Variants in CREBBP observed in about 807,000 individuals in gnomAD.
CREBBP encodes CREB-binding protein.
Under a neutral mutation model 265.0 loss-of-function variants are expected in CREBBP, and 19 were observed. The ratio of observed to expected loss-of-function variants is 0.07; its 90% CI spans 0.05 to 0.11. The LOEUF (loss-of-function observed/expected upper bound fraction) is 0.11, where lower values mean the gene tolerates loss of function less well. Among genes scored for constraint, CREBBP ranks in the 10% least tolerant of loss-of-function variants. The pLI, the probability that CREBBP is intolerant of heterozygous loss-of-function variation, is 1.00. For synonymous variants in CREBBP, 1,457 were observed against 1,223.7 expected (o/e 1.19, Z -3.98); for missense variants, 2,525 against 3,219.0 (o/e 0.78, Z 5.22).
At position 3,773,866 on chromosome 16, in the gene CREBBP, ATGT is replaced by A. The variant is rs1567302020; in HGVS notation, c.2345_2347del (p.Asn782del). 2 of 1,612,330 alleles carry A rather than the reference ATGT, an allele frequency of 1.2e-6. No individual in the cohort carries two copies. The highest frequency in any genetic ancestry group is 2.2e-5 in the East Asian group (1 of 44,886). On this transcript the variant is annotated inframe_deletion, in exon 13 of 31. Coordinates refer to ENST00000262367, the MANE Select transcript of CREBBP (RefSeq NM_004380.3). ...GCTCTGAGCGGGCGCCTGGGCCATC[ATGT>A]TGTTGGTGTGTGCACCCATCATGTT...
intron 16 of CREBBP, chr16:3,767,442 C>A: frequency 1.8e-6 from 1 of 552,396 alleles, no homozygotes; most frequent in Non-Finnish European, 3.2e-6. Flanking sequence ...CACATTTCAA[C>A]TCGGCCCCTG....
intron 2 of CREBBP, chr16:3,813,043 T>C: frequency 4.4e-6 from 1 of 227,422 alleles, no homozygotes; most frequent in Non-Finnish European, 8.7e-6. Flanking sequence ...AGATGGATCG[T>C]ATTATTTCTT....
rs2141200782 is a variant in CREBBP, at chr16:3,770,713, G to T, written c.2737C>A (p.Gln913Lys). The change falls in exon 14 of 31, where the codon CAG becomes AAG. Residue 913 changes from glutamine (Q) to lysine (K), a missense_variant. Coordinates refer to ENST00000262367, the MANE Select transcript of CREBBP (RefSeq NM_004380.3). The stretch of plus-strand genomic sequence containing the variant: ...GCTGCCTGGACTGTAGGGGTGCTCT[G>T]GGTTTGGGTAGCACTGGGCACTGAG... ...PGSVPSATQT[Q>K]STPTVQAAAQ... 1 of 1,614,112 alleles carries T rather than the reference G, an allele frequency of 6.2e-7. No individual in the cohort carries two copies.
At chr16:3,817,319 A>G (rs2054057384) in intron 2 of CREBBP, among the ~76,000 whole-genome samples, 1 of 152,026 alleles carries the variant, frequency 6.6e-6, no homozygotes, top group Admixed American at 6.6e-5. Context: ...CTGGCTGCCA[A>G]CAGCCTCCTC....
intron 2 of CREBBP, among the ~76,000 whole-genome samples, chr16:3,833,945 G>A (rs1383535919): frequency 6.6e-6 from 1 of 152,108 alleles, no homozygotes; most frequent in Non-Finnish European, 1.5e-5. Flanking sequence ...ATAACAACCT[G>A]TTTAAAAAAT....
chr16:3,739,410 C>T (rs986152585), intron 25 of CREBBP, 168 bp downstream of exon 25: 27 of 772,622 alleles, frequency 3.5e-5, no homozygotes, highest in Non-Finnish European at 5.2e-5. Context: ...GTTCATTTCC[C>T]GCTAGTTTAA....
intron 16 of CREBBP, among the ~76,000 whole-genome samples, chr16:3,764,001 C>G (rs1014243356): frequency 2.0e-5 from 3 of 152,032 alleles, no homozygotes; most frequent in East Asian, 3.8e-4. Flanking sequence ...CATGCTGCCA[C>G]ACCCAGCTAA....
At position 3,731,596 on chromosome 16, in the gene CREBBP, G is replaced by A. The variant is rs1018800428; in HGVS notation, c.4891-123C>T. ...GGTGGCTGAGCCTGATGGCCCTGAT[G>A]CCTTGGGATGGAACAAAATTGGTGA... is the stretch of plus-strand genomic sequence containing the variant. On this transcript the variant is annotated intron_variant, in intron 29 of 30. Coordinates refer to ENST00000262367, the MANE Select transcript of CREBBP (RefSeq NM_004380.3). This position sits in a 1 kb window ranked among gnomAD's most constrained non-coding sequence, Gnocchi z 7.7. 2.8e-6 allele frequency: 4 copies of A among 1,421,072 alleles called. No homozygotes were observed. The African/African-American group carries it at 4.2e-5, about 15-fold the overall frequency. 88.0% of individuals were successfully genotyped at this position (1,421,072 alleles called of 1,614,324 possible). A position where few individuals can be genotyped will look rare whatever the true frequency, so the allele number is the denominator to read the frequency against.
At chr16:3,877,155 G>A (rs541278523) in intron 1 of CREBBP, among the ~76,000 whole-genome samples, 46 of 152,122 alleles carry the variant, frequency 3.0e-4, no homozygotes, top group African/African-American at 1.0e-3. Context: ...CACATGCACC[G>A]GGCACACACC....
intron 1 of CREBBP, among the ~76,000 whole-genome samples, chr16:3,877,293 A>T (rs2055422737): frequency 6.6e-6 from 1 of 152,330 alleles, no homozygotes; most frequent in Middle Eastern, 3.4e-3. Context: ...TCAGTTTTTG[A>T]ATGTATTTAA....
intron 11 of CREBBP, among the ~76,000 whole-genome samples, chr16:3,777,262 G>A (rs1260405866): frequency 2.6e-5 from 4 of 151,950 alleles, no homozygotes; most frequent in African/African-American, 4.8e-5. Context: ...GTGAACCCAG[G>A]AGGCGGAGCT....
Position 3,774,573 on chromosome 16 carries a change from G to C in CREBBP, c.2279C>G (p.Pro760Arg). The C allele has an allele frequency of 6.2e-7, 1 of 1,614,166 alleles. No individual in the cohort carries two copies. Among genetic ancestry groups the C allele is most frequent in the Non-Finnish European group, 8.5e-7 (1 of 1,180,038 alleles). Residue 760 changes from proline (P) to arginine (R), a missense_variant, in exon 12 of 31, where the codon CCA becomes CGA. Coordinates refer to ENST00000262367, the MANE Select transcript of CREBBP (RefSeq NM_004380.3). ...ACAGCGAAAGAGAACACTTACCCCT[G>C]GCACTGAGCCCATGCTGTTCATCTG... ...SVQMNSMGSVPGMAISPSRMP... is the reference protein window; with the variant it reads ...SVQMNSMGSVRGMAISPSRMP...
rs1162617791 is a variant in CREBBP at position 3,793,375 on chromosome 16, A to T, written c.1216+11T>A. On this transcript the variant is annotated intron_variant, in intron 4 of 30. Coordinates refer to ENST00000262367, the MANE Select transcript of CREBBP (RefSeq NM_004380.3). Reference sequence around the variant, plus strand: ...ACCTCTACCACTAGGAGTTCCAAAAACAGCACTTACCTTGGCAGGCTTTCC... The same window carrying T: ...ACCTCTACCACTAGGAGTTCCAAAATCAGCACTTACCTTGGCAGGCTTTCC... The T allele has an allele frequency of 6.2e-7, 1 of 1,613,796 alleles. No homozygotes were observed.
chr16:3,832,633 T>C (rs2141418366), intron 2 of CREBBP, among the ~76,000 whole-genome samples: 1 of 152,320 alleles, frequency 6.6e-6, no homozygotes, highest in Admixed American at 6.5e-5. Context: ...AACAAAATTG[T>C]AAGTATTTGT....
intron 2 of CREBBP, among the ~76,000 whole-genome samples, chr16:3,841,484 C>CA (rs1597036545): frequency 6.6e-6 from 1 of 151,538 alleles, no homozygotes; most frequent in South Asian, 2.1e-4. Context: ...TAAAAAAAAT[C>CA]AAAAAAATTA....
intron 1 of CREBBP, among the ~76,000 whole-genome samples, chr16:3,863,147 G>A (rs1290731952): frequency 6.6e-6 from 1 of 152,210 alleles, no homozygotes; most frequent in African/African-American, 2.4e-5. Context: ...ATATTCAAGA[G>A]TGCTACCTGG....
chr16:3,797,623 C>T (rs951175086), intron 3 of CREBBP, among the ~76,000 whole-genome samples: 3 of 151,666 alleles, frequency 2.0e-5, no homozygotes, highest in Admixed American at 6.6e-5. Context: ...CTCTAAACAC[C>T]TTATTGTACT....
intron 23 of CREBBP, 172 bp from the exon 24 acceptor site, chr16:3,740,721 G>A: frequency 1.2e-6 from 1 of 822,622 alleles, no homozygotes. Flanking sequence ...TTATATAAAG[G>A]AAAGGTGGAC....
intron 21 of CREBBP, among the ~76,000 whole-genome samples, chr16:3,745,945 G>T (rs3025685): frequency 3.3e-5 from 5 of 152,182 alleles, no homozygotes; most frequent in African/African-American, 1.2e-4. Flanking sequence ...CTGGTGAAGC[G>T]AGAGAATGGA....
Sources: gnomAD v4.1 joint callset for allele counts (sites outside exome capture counted in the v4.1 genomes callset) on GRCh38, gnomAD v4.1.1 for gene constraint, Gnocchi (gnomAD v3.1) non-coding constraint, MANE v1.5 for transcripts, NCBI Gene and HGNC (gene_info 2026-07-23, HGNC 2026-07-21) for gene names.